The following GPBP1L1 variants were observed in gnomAD, a reference collection of about 807,000 sequenced individuals.
GPBP1L1 encodes the protein vasculin-like protein 1.
GPBP1L1 carries 23 observed loss-of-function variants against 52.5 expected under a neutral mutation model. The observed-to-expected ratio is 0.44, with a 90% CI of 0.32 to 0.62. The LOEUF is 0.62. Ranked by LOEUF, GPBP1L1 falls within the 20% of genes least tolerant of loss-of-function variation. The pLI, the probability that GPBP1L1 is intolerant of heterozygous loss-of-function variation, is 0.06. For synonymous variants in GPBP1L1, 243 were observed against 203.1 expected (o/e 1.20, Z -1.67); for missense variants, 596 against 579.3 (o/e 1.03, Z -0.30).
intron 2 of GPBP1L1, among the ~76,000 whole-genome samples, chr1:45,668,900 A>C (rs1645042284): frequency 6.6e-6 from 1 of 152,038 alleles, no homozygotes; most frequent in Admixed American, 6.6e-5. Flanking sequence ...CCAGGAATTC[A>C]AGGTTGCAGT....
In GPBP1L1 at chr1:45,660,402, G is replaced by GGGGAAAA. The variant is rs1312040145; in HGVS notation, c.-281_-275dup. The GGGGAAAA allele has an allele frequency of 2.0e-6, 2 of 983,448 alleles. No individual in the cohort carries two copies. Among genetic ancestry groups the GGGGAAAA allele is most frequent in the Non-Finnish European group, 1.2e-6 (1 of 828,334 alleles). 60.9% of individuals were successfully genotyped at this position (983,448 alleles called of 1,614,324 possible). ...CCTGACACGTTTCCAAAAGGGGAAA[G>GGGGAAAA]GGGAAAAGGGGAAGGGGGGAAGGGG... On this transcript the variant is annotated 5_prime_UTR_variant, in exon 3 of 13. It removes the in-frame stop codon of an upstream open reading frame in the 5' UTR. Coordinates refer to ENST00000355105, the MANE Select transcript of GPBP1L1 (RefSeq NM_021639.5).
chr1:45,660,065 T>C (rs1264181506), intron 3 of GPBP1L1, 119 bp downstream of exon 3: 2 of 447,836 alleles, frequency 4.5e-6, no homozygotes, highest in African/African-American at 4.2e-5. Flanking sequence ...TCTGTTGGTG[T>C]CTTCAAACCA....
At chr1:45,666,471 A>G (rs1645012713) in intron 2 of GPBP1L1, among the ~76,000 whole-genome samples, 1 of 152,106 alleles carries the variant, frequency 6.6e-6, no homozygotes, top group South Asian at 2.1e-4. Flanking sequence ...TGTGCCTATT[A>G]AGCCACTAAT....
At chr1:45,662,651 G>C (rs1223224278) in intron 2 of GPBP1L1, among the ~76,000 whole-genome samples, 1 of 152,150 alleles carries the variant, frequency 6.6e-6, no homozygotes, top group Admixed American at 6.6e-5. Flanking sequence ...ATAAAAGAGA[G>C]GCCCCAAAGA....
At position 45,640,212 on chromosome 1, in the gene GPBP1L1, T is replaced by C. The variant is rs1644653278; in HGVS notation, c.742A>G (p.Lys248Glu). The C allele has an allele frequency of 8.7e-6, 14 of 1,610,990 alleles. No individual in the cohort carries two copies. The highest frequency in any genetic ancestry group is 1.1e-5 in the Non-Finnish European group (13 of 1,177,344). ...LVPKPVPPPS[K>E]PNAWKANRME... ...CTTGCCCTGATTCTAAATCATACCTTGGAAGGAGGTGGTACAGGCTTAGGA... is the reference window on the plus strand; with the variant it reads ...CTTGCCCTGATTCTAAATCATACCTCGGAAGGAGGTGGTACAGGCTTAGGA... Residue 248 changes from lysine (K) to glutamate (E), a missense_variant and splice_region_variant, in exon 8 of 13, where the codon AAG becomes GAG. By Grantham distance (56) the Lys-to-Glu change is moderately conservative (BLOSUM62 1). Transcript: ENST00000355105.
At chr1:45,651,012 G>A (rs1284207443) in intron 6 of GPBP1L1, 5 of 397,022 alleles carry the variant, frequency 1.3e-5, no homozygotes, top group African/African-American at 2.0e-5. Context: ...TGTAAAGAAA[G>A]CTCAACAGTG....
At position 45,629,454 on chromosome 1, in the gene GPBP1L1, T is replaced by TTCCCCCC. The variant is rs758811981; in HGVS notation, c.1272+121_1272+122insGGGGGGA. ...CCCCACTACATTTCTACTAAGGTAA[T>TTCCCCCC]CCCCCCCCCCCCCACCCGATCTTTC... On this transcript the variant is annotated intron_variant, in intron 12 of 12. Coordinates refer to ENST00000355105, the MANE Select transcript of GPBP1L1 (RefSeq NM_021639.5). 1.7e-4 allele frequency: 20 copies of TTCCCCCC among 117,616 alleles called. 2 individuals are homozygous for TTCCCCCC. Among genetic ancestry groups the TTCCCCCC allele is most frequent in the South Asian group, 3.8e-4 (4 of 10,420 alleles). 7.3% of individuals were successfully genotyped at this position (117,616 alleles called of 1,614,324 possible). A position where few individuals can be genotyped will look rare whatever the true frequency, so the allele number is the denominator to read the frequency against.
intron 12 of GPBP1L1, 96 bp from the exon 13 acceptor site, chr1:45,628,504 T>A (rs1644486931): frequency 8.5e-7 from 1 of 1,171,816 alleles, no homozygotes; most frequent in Admixed American, 2.3e-5. Flanking sequence ...AATTCAATTC[T>A]AGGTAGAATG....
chr1:45,651,811 T>A, intron 6 of GPBP1L1: 1 of 276,220 alleles, frequency 3.6e-6, no homozygotes, highest in Non-Finnish European at 6.8e-6. Flanking sequence ...CCCTTGCCCT[T>A]CTTTCCTTTC....
Position 45,627,980 on chromosome 1 carries a change from C to A in GPBP1L1, c.*276G>T. The A allele has an allele frequency of 3.2e-6, 1 of 307,968 alleles. No homozygotes were observed. The highest frequency in any genetic ancestry group is 6.1e-6 in the Non-Finnish European group (1 of 164,594). 19.1% of individuals were successfully genotyped at this position (307,968 alleles called of 1,614,324 possible). A position where few individuals can be genotyped will look rare whatever the true frequency, so the allele number is the denominator to read the frequency against. ...CCTGCACTGCCAGCTCCTACCTGTG[C>A]ATCGCCCCATATATACTGGGTGTGT... On this transcript the variant is annotated 3_prime_UTR_variant, in exon 13 of 13. Coordinates refer to ENST00000355105, the MANE Select transcript of GPBP1L1 (RefSeq NM_021639.5).
chr1:45,677,801 A>G (rs1159315690), intron 2 of GPBP1L1, among the ~76,000 whole-genome samples: 2 of 152,220 alleles, frequency 1.3e-5, no homozygotes, highest in African/African-American at 4.8e-5. Flanking sequence ...AAATCATGAG[A>G]CTATTTTACA....
At chr1:45,637,404 T>C (rs1644607261) in intron 8 of GPBP1L1, among the ~76,000 whole-genome samples, 1 of 152,122 alleles carries the variant, frequency 6.6e-6, no homozygotes, top group Admixed American at 6.6e-5. Context: ...CCAGGAAGAA[T>C]GTCTTCTGTT....
chr1:45,638,388 T>A (rs1644623704), intron 8 of GPBP1L1, among the ~76,000 whole-genome samples: 1 of 152,194 alleles, frequency 6.6e-6, no homozygotes, highest in Admixed American at 6.5e-5. Flanking sequence ...CCTAAAAACA[T>A]CAACTCAAAA....
intron 2 of GPBP1L1, among the ~76,000 whole-genome samples, chr1:45,668,825 T>C (rs953914500): frequency 6.8e-6 from 1 of 146,524 alleles, no homozygotes; most frequent in Non-Finnish European, 1.5e-5. Context: ...ATTTAAAACT[T>C]AGCCAGGCAT....
At chr1:45,650,580 T>C (rs1005561380) in intron 6 of GPBP1L1, among the ~76,000 whole-genome samples, 8 of 152,222 alleles carry the variant, frequency 5.3e-5, no homozygotes, top group African/African-American at 1.9e-4. Context: ...TTAAAATAAT[T>C]TTCTAATTAT....
intron 6 of GPBP1L1, chr1:45,645,791 T>C: frequency 2.6e-6 from 1 of 378,470 alleles, no homozygotes; most frequent in Non-Finnish European, 5.0e-6. Flanking sequence ...TTGAGGCATT[T>C]TATTTGTAAA....
chr1:45,679,732 C>T (rs1645189397), intron 2 of GPBP1L1, among the ~76,000 whole-genome samples: 1 of 152,046 alleles, frequency 6.6e-6, no homozygotes, highest in Non-Finnish European at 1.5e-5. Flanking sequence ...CCTTCTTCTA[C>T]TTCATTGTTC....
In GPBP1L1 at chr1:45,640,380, G is replaced by A. The variant is rs36067922; in HGVS notation, c.574C>T (p.Pro192Ser). ...VWENPPSAKQ[P>S]SKMLVIKKVS... ...TTTTTGATAACTAGCATCTTGGAGG[G>A]TTGCTTGGCACTAGGCGGGTTTTCT... The change falls in exon 8 of 13, where the codon CCC becomes TCC. Residue 192 changes from proline (P) to serine (S), a missense_variant. Transcript: ENST00000355105. The A allele has an allele frequency of 4.7e-3, 7,565 of 1,613,878 alleles. 314 individuals carry two copies. The African/African-American group carries it at 0.09, about 19-fold the overall frequency.
chr1:45,685,893 A>C (rs1645275077), intron 1 of GPBP1L1, among the ~76,000 whole-genome samples: 1 of 152,162 alleles, frequency 6.6e-6, no homozygotes, highest in Admixed American at 6.5e-5. Flanking sequence ...GGATAGACTC[A>C]ATCTAAGCGA....
Sources: gnomAD v4.1 joint callset for allele counts (sites outside exome capture counted in the v4.1 genomes callset) on GRCh38, gnomAD v4.1.1 for gene constraint, MANE v1.5 for transcripts, NCBI Gene and HGNC (gene_info 2026-07-23, HGNC 2026-07-21) for gene names.